Variants in TNFAIP8L1 observed in about 807,000 individuals in gnomAD.
TNFAIP8L1 encodes the protein tumor necrosis factor alpha-induced protein 8-like protein 1.
For synonymous variants in TNFAIP8L1, 127 were observed against 125.6 expected (o/e 1.01, Z -0.08); for missense variants, 225 against 266.1 (o/e 0.85, Z 1.08).
rs2088398517 is a variant in TNFAIP8L1 at position 4,653,952 on chromosome 19, A to T, written c.*1522A>T. On this transcript the variant is annotated 3_prime_UTR_variant, in exon 2 of 2. Transcript: ENST00000327473. Reference sequence around the variant, plus strand: ...TGGGACTCTGTCTTAGAAAGAAAAAAAAAAGTATTTGGACACAGACATGCA... The same window carrying T: ...TGGGACTCTGTCTTAGAAAGAAAAATAAAAGTATTTGGACACAGACATGCA... The T allele has an allele frequency of 6.6e-6, 1 of 151,990 alleles. No individual in the cohort carries two copies. Among genetic ancestry groups the T allele is most frequent in the Non-Finnish European group, 1.5e-5 (1 of 68,026 alleles). 9.4% of individuals were successfully genotyped at this position (151,990 alleles called of 1,614,324 possible).
In TNFAIP8L1 at chr19:4,652,672, TA is replaced by T; in HGVS notation, c.*243del. Reference sequence around the variant, plus strand: ...CAATGGGGAGAGGAATTTGGGGCCCTACTCTGGGGACCACCTTTCACCCGTT... The same window carrying T: ...CAATGGGGAGAGGAATTTGGGGCCCTCTCTGGGGACCACCTTTCACCCGTT... On this transcript the variant is annotated 3_prime_UTR_variant, in exon 2 of 2. Transcript: ENST00000327473. 2.0e-6 allele frequency: 1 copy of T among 493,322 alleles called. No homozygotes were observed. The allele number at this position is 493,322 out of a possible 1,614,324, so 30.6% of individuals were successfully genotyped here.
Position 4,651,784 on chromosome 19 carries a change from C to T in TNFAIP8L1, c.-3-83C>T, listed in dbSNP as rs2088366430. ...AAAGAAACAAATTCCGTTAGGCCCT[C>T]TGGGGTCTGTGGTGTTGTCACCTCT... On this transcript the variant is annotated intron_variant, in intron 1 of 1. Coordinates refer to ENST00000327473, the MANE Select transcript of TNFAIP8L1 (RefSeq NM_152362.3). 5.6e-6 allele frequency: 8 copies of T among 1,435,846 alleles called. No individual in the cohort carries two copies. In the East Asian group the frequency reaches 1.8e-4, roughly 33 times the overall value. The allele number at this position is 1,435,846 out of a possible 1,614,324, so 88.9% of individuals were successfully genotyped here.
Position 4,645,467 on chromosome 19 carries a change from T to C in TNFAIP8L1, c.-4+5838T>C, listed in dbSNP as rs1182557355. 2.0e-5 allele frequency among the ~76,000 whole-genome samples: 3 copies of C among 152,018 alleles called. No homozygotes were observed. The East Asian group carries it at 5.8e-4, about 29-fold the overall frequency. ...GGCATGCACCTGTAGTCCTAGCTAC[T>C]TGGGAGGCTGAGGCTGAGGCAGGAG... On this transcript the variant is annotated intron_variant, in intron 1 of 1. Coordinates refer to ENST00000327473, the MANE Select transcript of TNFAIP8L1 (RefSeq NM_152362.3). This position sits in a 1 kb window ranked among gnomAD's most constrained non-coding sequence, Gnocchi z 4.1.
In TNFAIP8L1 at chr19:4,645,377, G is replaced by A. The variant is rs2088300876; in HGVS notation, c.-4+5748G>A. ...AGCCTGGCCGACATGGCCAAACCCC[G>A]TCTCTACTAAAAATACACAAATTTG... On this transcript the variant is annotated intron_variant, in intron 1 of 1. Coordinates refer to ENST00000327473, the MANE Select transcript of TNFAIP8L1 (RefSeq NM_152362.3). The surrounding 1 kb of genome is among the most constrained non-coding windows in gnomAD (Gnocchi z 4.1). Among the ~76,000 whole-genome samples the A allele has an allele frequency of 1.3e-5, 2 of 152,096 alleles. No homozygotes were observed. The highest frequency in any genetic ancestry group is 2.1e-4 in the South Asian group (1 of 4,818).
At chr19:4,644,868 T>C (rs2088295585) in intron 1 of TNFAIP8L1, among the ~76,000 whole-genome samples, 2 of 152,202 alleles carry the variant, frequency 1.3e-5, no homozygotes, top group East Asian at 3.9e-4. Context: ...CCCAAAGTGC[T>C]GGGATTACAG....
At position 4,652,778 on chromosome 19, in the gene TNFAIP8L1, G is replaced by A. The variant is rs1225579432; in HGVS notation, c.*348G>A. On this transcript the variant is annotated 3_prime_UTR_variant, in exon 2 of 2. Transcript: ENST00000327473. ...TGCTGCCTCCCACTTGGATCATGTC[G>A]CCTGGGATTTTCATCCCTCGCACAA... The A allele has an allele frequency of 2.5e-5, 7 of 279,260 alleles. No individual in the cohort carries two copies. The highest frequency in any genetic ancestry group is 4.9e-5 in the Non-Finnish European group (7 of 141,516). 17.3% of individuals were successfully genotyped at this position (279,260 alleles called of 1,614,324 possible).
chr19:4,651,024 T>C (rs572808356), intron 1 of TNFAIP8L1, among the ~76,000 whole-genome samples: 17 of 151,548 alleles, frequency 1.1e-4, no homozygotes, highest in African/African-American at 3.6e-4. Context: ...AAATAAATAA[T>C]AAATAAACCA....
At chr19:4,646,557 G>T (rs1356697549) in intron 1 of TNFAIP8L1, among the ~76,000 whole-genome samples, 1 of 151,650 alleles carries the variant, frequency 6.6e-6, no homozygotes, top group African/African-American at 2.4e-5. Flanking sequence ...TTTAGCAATC[G>T]CTTTCCATTT....
chr19:4,645,806 C>T lies in TNFAIP8L1; in HGVS notation c.-3-6061C>T, dbSNP rs1183836962. 1.3e-5 allele frequency among the ~76,000 whole-genome samples: 2 copies of T among 152,006 alleles called. No homozygotes were observed. Among genetic ancestry groups the T allele is most frequent in the East Asian group, 3.8e-4 (2 of 5,196 alleles). ...CATTTTGCAGATGGGAAAGCTGCCC[C>T]CATGCATGGGGCCTGCCAAGGGTCA... is the stretch of plus-strand genomic sequence containing the variant. On this transcript the variant is annotated intron_variant, in intron 1 of 1. Coordinates refer to ENST00000327473, the MANE Select transcript of TNFAIP8L1 (RefSeq NM_152362.3). This position sits in a 1 kb window ranked among gnomAD's most constrained non-coding sequence, Gnocchi z 4.1.
In TNFAIP8L1 at chr19:4,651,740, G is replaced by T. The variant is rs113949837; in HGVS notation, c.-3-127G>T. 3,030 of 1,096,374 alleles carry T rather than the reference G, an allele frequency of 2.8e-3. 71 individuals are homozygous for T. The African/African-American group carries it at 0.044, about 16-fold the overall frequency. The allele number at this position is 1,096,374 out of a possible 1,614,324, so 67.9% of individuals were successfully genotyped here. On this transcript the variant is annotated intron_variant, in intron 1 of 1. Coordinates refer to ENST00000327473, the MANE Select transcript of TNFAIP8L1 (RefSeq NM_152362.3). ...TGGGATTACAGGCGTGAGCCACTGC[G>T]TCCGGCATGACACTTTTTAAAGAAA...
At chr19:4,646,144 C>G (rs147807256) in intron 1 of TNFAIP8L1, among the ~76,000 whole-genome samples, 1 of 152,014 alleles carries the variant, frequency 6.6e-6, no homozygotes, top group African/African-American at 2.4e-5. Flanking sequence ...CTCCTTCCAG[C>G]AGGGGAACAG....
chr19:4,647,291 G>A (rs1344006412), intron 1 of TNFAIP8L1, among the ~76,000 whole-genome samples: 2 of 152,030 alleles, frequency 1.3e-5, no homozygotes, highest in African/African-American at 4.8e-5. Flanking sequence ...GATGTCTGAG[G>A]AGCCGTCGGA....
intron 1 of TNFAIP8L1, chr19:4,640,486 G>C (rs1383722115): frequency 1.3e-5 from 2 of 152,252 alleles, no homozygotes; most frequent in African/African-American, 4.8e-5. Context: ...GGCCAGCCCA[G>C]TGGTGGCGGA....
rs750403031 is a variant in TNFAIP8L1, at chr19:4,652,190, G to A, written c.321G>A (p.Val107=). The change falls in exon 2 of 2, where the codon GTG becomes GTA. Residue 107 remains valine, a synonymous_variant. Transcript: ENST00000327473. ...LAMTAVSFHQ[V]DFTFDRRVLA... Reference sequence around the variant, plus strand: ...TGACGGCCGTCAGCTTCCACCAGGTGGACTTCACCTTCGACCGGCGCGTGC... The same window carrying A: ...TGACGGCCGTCAGCTTCCACCAGGTAGACTTCACCTTCGACCGGCGCGTGC... 1 of 1,548,122 alleles carries A rather than the reference G, an allele frequency of 6.5e-7. No homozygotes were observed. The highest frequency in any genetic ancestry group is 2.4e-5 in the East Asian group (1 of 41,114).
intron 1 of TNFAIP8L1, among the ~76,000 whole-genome samples, chr19:4,648,324 G>A (rs1277354980): frequency 6.6e-6 from 1 of 152,192 alleles, no homozygotes; most frequent in African/African-American, 2.4e-5. Flanking sequence ...GGGCTGATGC[G>A]GCCGCTACAC....
chr19:4,649,538 G>A (rs996714942), intron 1 of TNFAIP8L1, among the ~76,000 whole-genome samples: 4 of 152,212 alleles, frequency 2.6e-5, no homozygotes, highest in African/African-American at 9.6e-5. Context: ...ACGGCCAGTT[G>A]AGGGCGTTAG....
chr19:4,650,522 G>GA (rs1360845343), intron 1 of TNFAIP8L1, among the ~76,000 whole-genome samples: 1 of 152,018 alleles, frequency 6.6e-6, no homozygotes, highest in East Asian at 1.9e-4. Flanking sequence ...GGTGGAGGGG[G>GA]AAGCTCCAGG....
At chr19:4,640,965 G>C (rs1444710281) in intron 1 of TNFAIP8L1, 1 of 151,212 alleles carries the variant, frequency 6.6e-6, no homozygotes, top group Non-Finnish European at 1.5e-5. Flanking sequence ...TCGGGCACTG[G>C]CCAGAGGCTG....
intron 1 of TNFAIP8L1, among the ~76,000 whole-genome samples, chr19:4,650,779 C>G (rs992567207): frequency 1.3e-5 from 2 of 152,142 alleles, no homozygotes; most frequent in African/African-American, 4.8e-5. Context: ...GAACCCATCA[C>G]CCCCTGGCTC....
Sources: gnomAD v4.1 joint callset for allele counts (sites outside exome capture counted in the v4.1 genomes callset) on GRCh38, gnomAD v4.1.1 for gene constraint, Gnocchi (gnomAD v3.1) non-coding constraint, MANE v1.5 for transcripts, NCBI Gene and HGNC (gene_info 2026-07-23, HGNC 2026-07-21) for gene names.